The following OR1B1 variants were observed in gnomAD, a reference collection of about 807,000 sequenced individuals.
OR1B1 encodes olfactory receptor 1B1.
For missense variants in OR1B1, 414 were observed against 402.1 expected, an observed-to-expected ratio of 1.03 and a Z score of -0.25; for synonymous variants, 168 against 156.2, an observed-to-expected ratio of 1.08 and a Z score of -0.57.
At chr9:122,652,427 A>G in the OR1B1 span, among the ~76,000 whole-genome samples, 1 of 152,192 alleles carries the variant, frequency 6.6e-6, no homozygotes, top group African/African-American at 2.4e-5. Flanking sequence ...CCAGGAAGAG[A>G]TTAGGTTCAG....
At chr9:122,644,053 C>T in the OR1B1 span, among the ~76,000 whole-genome samples, 2 of 152,260 alleles carry the variant, frequency 1.3e-5, no homozygotes. Flanking sequence ...TGAAAAAAGG[C>T]TCCACCTGTT....
the OR1B1 span, among the ~76,000 whole-genome samples, chr9:122,650,846 A>T: frequency 6.6e-6 from 1 of 151,672 alleles, no homozygotes; most frequent in Non-Finnish European, 1.5e-5. Context: ...ACACGGTGAA[A>T]CCCCATCTCT....
chr9:122,628,518 C>T, downstream of OR1B1: 1 of 1,156,816 alleles, frequency 8.6e-7, no homozygotes, highest in Non-Finnish European at 1.3e-6. Flanking sequence ...CCAAAACCAA[C>T]TCTGCTCAGA....
chr9:122,632,296 C>A (rs965165981), upstream of OR1B1, among the ~76,000 whole-genome samples: 91 of 143,506 alleles, frequency 6.3e-4, 1 homozygote, highest in African/African-American at 2.1e-3. Flanking sequence ...AAGAAGTTAT[C>A]AAAAAAAAAA....
At chr9:122,635,268 G>GA in the OR1B1 span, among the ~76,000 whole-genome samples, 1 of 151,968 alleles carries the variant, frequency 6.6e-6, no homozygotes, top group African/African-American at 2.4e-5. Context: ...GCCAGGCACA[G>GA]AAAAAAATAC....
chr9:122,628,425 A>T (rs1324702538), downstream of OR1B1, among the ~76,000 whole-genome samples: 1 of 152,166 alleles, frequency 6.6e-6, no homozygotes, highest in Non-Finnish European at 1.5e-5. Flanking sequence ...TGGAATGTTC[A>T]TGGCTCCATC....
chr9:122,636,622 T>C, the OR1B1 span, among the ~76,000 whole-genome samples: 1 of 151,732 alleles, frequency 6.6e-6, no homozygotes, highest in Non-Finnish European at 1.5e-5. Flanking sequence ...GTCTCAAAAA[T>C]AAATAAATAA....
the OR1B1 span, among the ~76,000 whole-genome samples, chr9:122,642,756 GATATA>G: frequency 6.6e-6 from 1 of 152,078 alleles, no homozygotes; most frequent in Non-Finnish European, 1.5e-5. Flanking sequence ...TTCTTCCTAT[GATATA>G]ATAAGTAAAT....
At chr9:122,643,405 T>A in the OR1B1 span, among the ~76,000 whole-genome samples, 1 of 152,160 alleles carries the variant, frequency 6.6e-6, no homozygotes, top group African/African-American at 2.4e-5. Context: ...TGCACAGGAA[T>A]GGAGTATTTG....
chr9:122,653,989 G>T, the OR1B1 span, among the ~76,000 whole-genome samples: 4 of 150,692 alleles, frequency 2.7e-5, no homozygotes, highest in African/African-American at 4.9e-5. Context: ...CATAAGATAT[G>T]CTCAAAAAAT....
At chr9:122,642,332 C>T in the OR1B1 span, among the ~76,000 whole-genome samples, 684 of 152,192 alleles carry the variant, frequency 4.5e-3, 4 homozygotes, top group African/African-American at 0.016. Flanking sequence ...AGTTCCCCAC[C>T]CACACATTCA....
exon 1 of OR1B1, chr9:122,629,519 G>T: frequency 1.9e-6 from 3 of 1,602,246 alleles, no homozygotes; most frequent in Non-Finnish European, 2.6e-6. Context: ...TGAAGCATTA[G>T]GGGCAAAGCT....
chr9:122,650,909 C>T, the OR1B1 span, among the ~76,000 whole-genome samples: 5 of 151,946 alleles, frequency 3.3e-5, no homozygotes, highest in African/African-American at 1.2e-4. Context: ...CCTGTAGCCC[C>T]AGCTACTCGG....
chr9:122,643,799 T>C, the OR1B1 span, among the ~76,000 whole-genome samples: 4 of 152,116 alleles, frequency 2.6e-5, no homozygotes, highest in Non-Finnish European at 4.4e-5. Flanking sequence ...GGATAGGGCA[T>C]TGGGCAGAAT....
At chr9:122,633,957 A>G (rs1830230060), upstream of OR1B1, among the ~76,000 whole-genome samples, 1 of 151,786 alleles carries the variant, frequency 6.6e-6, no homozygotes, top group Non-Finnish European at 1.5e-5. Flanking sequence ...GGGGGTGCAA[A>G]AAGAACGTGT....
exon 1 of OR1B1, chr9:122,628,949 G>A: frequency 6.2e-7 from 1 of 1,614,120 alleles, no homozygotes; most frequent in Non-Finnish European, 8.5e-7. Context: ...ATGTATGTCA[G>A]AACAAGAGGC....
chr9:122,628,278 T>G (rs1588240876), downstream of OR1B1, among the ~76,000 whole-genome samples: 1 of 152,218 alleles, frequency 6.6e-6, no homozygotes, highest in Non-Finnish European at 1.5e-5. Context: ...TATCCTCATA[T>G]TCCCTCAGAA....
the OR1B1 span, among the ~76,000 whole-genome samples, chr9:122,635,367 G>A: frequency 2.0e-5 from 3 of 152,086 alleles, no homozygotes; most frequent in African/African-American, 7.2e-5. Flanking sequence ...CAGGAGTCGG[G>A]GAAGGGAAAA....
the OR1B1 span, among the ~76,000 whole-genome samples, chr9:122,657,511 A>G: frequency 1.3e-5 from 2 of 152,178 alleles, no homozygotes; most frequent in South Asian, 4.1e-4. Flanking sequence ...AACAGATTAC[A>G]GAAAGTGAAA....
Sources: allele counts gnomAD v4.1 joint callset (sites outside exome capture counted in the v4.1 genomes callset), GRCh38; gene constraint gnomAD v4.1.1; transcripts MANE v1.5; gene names NCBI Gene and HGNC (gene_info 2026-07-23, HGNC 2026-07-21).